Variants in GALNTL6 observed in about 807,000 individuals in gnomAD.
GALNTL6 encodes the protein polypeptide N-acetylgalactosaminyltransferase like 6, also known as polypeptide N-acetylgalactosaminyltransferase-like 6.
In GALNTL6, 46 loss-of-function variants were observed where a neutral mutation model predicts 73.7. The ratio of observed to expected loss-of-function variants is 0.62; its 90% CI spans 0.49 to 0.80. The LOEUF (loss-of-function observed/expected upper bound fraction) is 0.80. GALNTL6 is among the 30% of genes least tolerant of loss of function. The probability of loss-of-function intolerance (pLI) is 0.00; values close to 1 mark genes in which losing one functional copy is unlikely to be tolerated. For synonymous variants in GALNTL6, 259 were observed against 263.7 expected, an observed-to-expected ratio of 0.98 and a Z score of 0.17; for missense variants, 604 against 755.0, an observed-to-expected ratio of 0.80 and a Z score of 2.34.
intron 5 of GALNTL6, among the ~76,000 whole-genome samples, chr4:172,805,375 T>C: frequency 6.6e-6 from 1 of 152,242 alleles, no homozygotes; most frequent in East Asian, 1.9e-4. Context: ...AATTTGGTAT[T>C]CACAGTAACA....
chr4:172,805,286 G>C (rs1047256071), intron 5 of GALNTL6, among the ~76,000 whole-genome samples: 1 of 152,018 alleles, frequency 6.6e-6, no homozygotes, highest in Non-Finnish European at 1.5e-5. Flanking sequence ...CTAATGAATG[G>C]TTATTCTCCA....
At chr4:171,872,984 T>A (rs1736180212) in intron 2 of GALNTL6, among the ~76,000 whole-genome samples, 1 of 152,076 alleles carries the variant, frequency 6.6e-6, no homozygotes, top group Non-Finnish European at 1.5e-5. Flanking sequence ...GGAGGGAAGA[T>A]GATTGAATTA....
intron 8 of GALNTL6, among the ~76,000 whole-genome samples, chr4:172,901,055 C>T (rs1001156710): frequency 6.6e-6 from 1 of 152,116 alleles, no homozygotes; most frequent in Non-Finnish European, 1.5e-5. Flanking sequence ...GCAGCCCTAT[C>T]GTTTTTGTCT....
intron 2 of GALNTL6, among the ~76,000 whole-genome samples, chr4:172,181,095 G>A (rs1299597544): frequency 6.6e-6 from 1 of 152,068 alleles, no homozygotes; most frequent in South Asian, 2.1e-4. Flanking sequence ...TCCATGAGAA[G>A]GACTCCTCCC....
At chr4:172,078,034 T>C (rs1731757854) in intron 2 of GALNTL6, among the ~76,000 whole-genome samples, 1 of 152,056 alleles carries the variant, frequency 6.6e-6, no homozygotes. Flanking sequence ...GGCTTCCATG[T>C]GGTGTTGGGT....
intron 2 of GALNTL6, among the ~76,000 whole-genome samples, chr4:171,965,665 AAAAAAAAG>A (rs939394843): frequency 2.0e-5 from 3 of 150,730 alleles, no homozygotes; most frequent in Non-Finnish European, 1.5e-5. Flanking sequence ...CAGAAAAAAA[AAAAAAAAG>A]AAGAAGAAGA....
intron 3 of GALNTL6, among the ~76,000 whole-genome samples, chr4:172,264,493 CTTATAT>C (rs1345863844): frequency 3.1e-5 from 4 of 130,602 alleles, no homozygotes; most frequent in African/African-American, 8.2e-5. Flanking sequence ...TATATTTATA[CTTATAT>C]TTATATATTT....
At position 171,879,001 on chromosome 4, in the gene GALNTL6, A is replaced by G. The variant is rs1456813434; in HGVS notation, c.138+64283A>G. ...GGCCTCCCCAGAAGCATAAGCCACTATGCTTCCTGTACAGCTTGCAGAACC... is the reference window on the plus strand; with the variant it reads ...GGCCTCCCCAGAAGCATAAGCCACTGTGCTTCCTGTACAGCTTGCAGAACC... On this transcript the variant is annotated intron_variant, in intron 2 of 12. Coordinates refer to ENST00000506823, the MANE Select transcript of GALNTL6 (RefSeq NM_001034845.3). Among the ~76,000 whole-genome samples, 2 of 152,142 alleles carry G rather than the reference A, an allele frequency of 1.3e-5. 1 individual carries two copies. Among genetic ancestry groups the G allele is most frequent in the Non-Finnish European group, 2.9e-5 (2 of 68,016 alleles).
chr4:171,987,061 T>C (rs542171781), intron 2 of GALNTL6, among the ~76,000 whole-genome samples: 2 of 152,196 alleles, frequency 1.3e-5, no homozygotes, highest in African/African-American at 2.4e-5. Context: ...GTCTAAGTTG[T>C]TCTGGTGTCT....
intron 2 of GALNTL6, among the ~76,000 whole-genome samples, chr4:172,195,069 CAT>C (rs1343858445): frequency 1.1e-4 from 17 of 152,004 alleles, no homozygotes; most frequent in African/African-American, 3.9e-4. Context: ...CGTGCCAAGA[CAT>C]ACATAAGCTC....
chr4:172,268,129 G>T (rs1738512846), intron 3 of GALNTL6, among the ~76,000 whole-genome samples: 1 of 152,156 alleles, frequency 6.6e-6, no homozygotes, highest in Non-Finnish European at 1.5e-5. Context: ...TGAATTAAAA[G>T]AGTTTACTCT....
At chr4:171,843,496 T>C (rs1443131271) in intron 2 of GALNTL6, among the ~76,000 whole-genome samples, 1 of 152,112 alleles carries the variant, frequency 6.6e-6, no homozygotes, top group Non-Finnish European at 1.5e-5. Flanking sequence ...AAAAACAATT[T>C]ATTCTTGTTT....
chr4:172,274,183 A>G (rs1243251558), intron 3 of GALNTL6, among the ~76,000 whole-genome samples: 1 of 152,188 alleles, frequency 6.6e-6, no homozygotes, highest in Non-Finnish European at 1.5e-5. Context: ...TAAAATTTCT[A>G]AAATGTAAAA....
At chr4:172,362,835 CCAGT>C (rs1337011367) in intron 5 of GALNTL6, among the ~76,000 whole-genome samples, 1 of 152,202 alleles carries the variant, frequency 6.6e-6, no homozygotes, top group Non-Finnish European at 1.5e-5. Context: ...CATCCCACAT[CCAGT>C]CAATGAACAA....
At chr4:172,548,293 A>G (rs1735844684) in intron 5 of GALNTL6, among the ~76,000 whole-genome samples, 1 of 152,212 alleles carries the variant, frequency 6.6e-6, no homozygotes, top group Non-Finnish European at 1.5e-5. Flanking sequence ...AACATTCTGC[A>G]AGACCTTCAC....
chr4:171,895,540 T>C (rs1439877006), intron 2 of GALNTL6, among the ~76,000 whole-genome samples: 1 of 152,154 alleles, frequency 6.6e-6, no homozygotes, highest in Non-Finnish European at 1.5e-5. Flanking sequence ...ACCGAGTTGC[T>C]GTCCAAGACT....
intron 2 of GALNTL6, among the ~76,000 whole-genome samples, chr4:172,031,397 A>G (rs1741765073): frequency 6.6e-6 from 1 of 152,172 alleles, no homozygotes; most frequent in South Asian, 2.1e-4. Flanking sequence ...AGGTTTTAGA[A>G]TAAACTTACA....
intron 2 of GALNTL6, among the ~76,000 whole-genome samples, chr4:171,958,585 G>A (rs984705477): frequency 2.0e-4 from 30 of 151,880 alleles, no homozygotes; most frequent in Admixed American, 2.0e-3. Flanking sequence ...AATTTCAATG[G>A]TCACAATTCA....
In GALNTL6 at chr4:171,821,640, G is replaced by GATATATATATATATATATAT. The variant is rs3080305; in HGVS notation, c.138+6930_138+6949dup. 1.5e-3 allele frequency among the ~76,000 whole-genome samples: 222 copies of GATATATATATATATATATAT among 146,204 alleles called. 1 individual carries two copies. Among genetic ancestry groups the GATATATATATATATATATAT allele is most frequent in the African/African-American group, 2.0e-3 (77 of 38,052 alleles). Reference sequence around the variant, plus strand: ...TAACAGTATATAACAAGGCTTAACGGATATATATATATATATATATATATA... The same window carrying GATATATATATATATATATAT: ...TAACAGTATATAACAAGGCTTAACGGATATATATATATATATATATATATATATATATATATATATATATA... On this transcript the variant is annotated intron_variant, in intron 2 of 12. Coordinates refer to ENST00000506823, the MANE Select transcript of GALNTL6 (RefSeq NM_001034845.3).
Sources: allele counts gnomAD v4.1 joint callset (sites outside exome capture counted in the v4.1 genomes callset), GRCh38; gene constraint gnomAD v4.1.1; transcripts MANE v1.5; gene names NCBI Gene and HGNC (gene_info 2026-07-23, HGNC 2026-07-21).